Variants in LRP1B observed in about 807,000 individuals in gnomAD.
LRP1B encodes the protein low-density lipoprotein receptor-related protein 1B.
In LRP1B, 217 loss-of-function variants were observed where a neutral mutation model predicts 556.6. The observed-to-expected ratio is 0.39, with a 90% CI of 0.35 to 0.44. The LOEUF (loss-of-function observed/expected upper bound fraction) is 0.44. LRP1B is among the 20% of genes least tolerant of loss of function. The probability of loss-of-function intolerance (pLI) is 1.00; values close to 1 mark genes in which losing one functional copy is unlikely to be tolerated. For missense variants in LRP1B, 5,053 were observed against 5,620.8 expected (o/e 0.90, Z 3.23); for synonymous variants, 2,047 against 1,865.8 (o/e 1.10, Z -2.50).
At chr2:140,756,075 AAAATT>A (rs1171971682) in intron 35 of LRP1B, among the ~76,000 whole-genome samples, 1 of 152,040 alleles carries the variant, frequency 6.6e-6, no homozygotes. Context: ...CTTGAAAAAT[AAAATT>A]AAGAAAATTT....
intron 1 of LRP1B, among the ~76,000 whole-genome samples, chr2:142,040,400 A>G (rs1704022175): frequency 6.6e-6 from 1 of 151,462 alleles, no homozygotes; most frequent in Non-Finnish European, 1.5e-5. Context: ...GAGAGGAGGC[A>G]TACAATCATT....
chr2:141,229,380 T>C lies in LRP1B; in HGVS notation c.653A>G (p.Tyr218Cys), dbSNP rs1249397704. 10 of 1,608,904 alleles carry C rather than the reference T, an allele frequency of 6.2e-6. No homozygotes were observed. Among genetic ancestry groups the C allele is most frequent in the Middle Eastern group, 1.7e-4 (1 of 6,056 alleles). The change falls in exon 6 of 91, where the codon TAT (tyrosine) becomes TGT (cysteine). Residue 218 changes from tyrosine (Y) to cysteine (C), a missense_variant. Tyr to Cys is a radical substitution (Grantham distance 194, BLOSUM62 -2). Coordinates refer to ENST00000389484, the MANE Select transcript of LRP1B (RefSeq NM_018557.3). ...IANFETIEVF[Y>C]LNGSKMATLS... ...AGTTGCCATTTTACTTCCATTAAGA[T>C]AGAAAACCTCAATTGTTTCAAAATT...
chr2:140,805,119 G>A (rs1343376431), intron 32 of LRP1B, among the ~76,000 whole-genome samples: 6 of 152,086 alleles, frequency 3.9e-5, no homozygotes, highest in Non-Finnish European at 8.8e-5. Flanking sequence ...CTGATTATTA[G>A]ACTGTGACAT....
At chr2:142,054,511 T>G (rs538596060) in intron 1 of LRP1B, among the ~76,000 whole-genome samples, 1 of 152,134 alleles carries the variant, frequency 6.6e-6, no homozygotes, top group Non-Finnish European at 1.5e-5. Context: ...CTGCATTTCG[T>G]ACTCCACAAG....
At chr2:140,781,093 A>G (rs1156284234) in intron 32 of LRP1B, among the ~76,000 whole-genome samples, 10 of 152,162 alleles carry the variant, frequency 6.6e-5, no homozygotes, top group Admixed American at 6.5e-4. Context: ...AGCGTGATCA[A>G]TTGGATTCTG....
At chr2:140,729,027 T>C (rs1350270298) in intron 35 of LRP1B, among the ~76,000 whole-genome samples, 1 of 152,050 alleles carries the variant, frequency 6.6e-6, no homozygotes, top group African/African-American at 2.4e-5. Context: ...AGTCATTTCA[T>C]ACACCTTTGA....
At position 141,049,140 on chromosome 2, in the gene LRP1B, A is replaced by G. The variant is rs1698964581; in HGVS notation, c.1635T>C (p.Ala545=). 1 of 1,613,630 alleles carries G rather than the reference A, an allele frequency of 6.2e-7. No individual in the cohort carries two copies. The highest frequency in any genetic ancestry group is 8.5e-7 in the Non-Finnish European group (1 of 1,179,716). The change falls in exon 11 of 91, where the codon GCT becomes GCC. Residue 545 remains alanine (A), a synonymous_variant. Coordinates refer to ENST00000389484, the MANE Select transcript of LRP1B (RefSeq NM_018557.3). The part of the protein sequence containing the change: ...VRGMDLNTKI[A]DEYMIPIENL... ...TTTCTATGGGGATCATGTATTCATC[A>G]GCTATCTTGGTATTCAAGTCCATTC...
chr2:141,999,926 G>A (rs1176944900), intron 1 of LRP1B, among the ~76,000 whole-genome samples: 1 of 151,140 alleles, frequency 6.6e-6, no homozygotes, highest in Non-Finnish European at 1.5e-5. Context: ...TTATGCCAGT[G>A]TGAAATTCTA....
At chr2:142,103,066 T>A (rs1257687330) in intron 1 of LRP1B, among the ~76,000 whole-genome samples, 1 of 151,934 alleles carries the variant, frequency 6.6e-6, no homozygotes, top group Non-Finnish European at 1.5e-5. Flanking sequence ...TCCTGCTAAG[T>A]CTCACTACTT....
intron 7 of LRP1B, among the ~76,000 whole-genome samples, chr2:141,137,354 C>T (rs1326035302): frequency 6.6e-6 from 1 of 151,880 alleles, no homozygotes; most frequent in Non-Finnish European, 1.5e-5. Flanking sequence ...GAGACCGGCA[C>T]TTCCTGGACT....
rs1689781727 is a variant in LRP1B at position 140,514,162 on chromosome 2, A to T, written c.8269+491T>A. ...AAAGCTACATTTTAAAGTGCATTTT[A>T]ATATCATATAAAATAGCCACTTTCC... On this transcript the variant is annotated intron_variant, in intron 51 of 90. Transcript: ENST00000389484. Among the ~76,000 whole-genome samples the T allele has an allele frequency of 2.0e-5, 3 of 151,994 alleles. No homozygotes were observed. The South Asian group carries it at 6.2e-4, about 31-fold the overall frequency.
At chr2:141,360,610 T>C (rs1015037952) in intron 3 of LRP1B, among the ~76,000 whole-genome samples, 1 of 152,198 alleles carries the variant, frequency 6.6e-6, no homozygotes, top group African/African-American at 2.4e-5. Context: ...ACTGAACCAC[T>C]GTACTACCTC....
chr2:140,523,286 C>T (rs189777554), intron 49 of LRP1B, among the ~76,000 whole-genome samples: 56 of 152,032 alleles, frequency 3.7e-4, no homozygotes, highest in Admixed American at 3.5e-3. Context: ...GAATTAAGAA[C>T]AAAACCCATG....
At chr2:141,279,274 T>C (rs1685419914) in intron 3 of LRP1B, among the ~76,000 whole-genome samples, 1 of 149,266 alleles carries the variant, frequency 6.7e-6, no homozygotes, top group South Asian at 2.1e-4. Context: ...TTGAGTATTT[T>C]GGGGAAGGAA....
At chr2:141,468,190 T>C (rs1196245204) in intron 3 of LRP1B, among the ~76,000 whole-genome samples, 1 of 152,130 alleles carries the variant, frequency 6.6e-6, no homozygotes, top group East Asian at 1.9e-4. Flanking sequence ...GCACATTCTG[T>C]TTTGCATAAT....
intron 57 of LRP1B, among the ~76,000 whole-genome samples, chr2:140,489,636 A>G (rs1276657698): frequency 1.3e-5 from 2 of 152,092 alleles, no homozygotes; most frequent in Non-Finnish European, 2.9e-5. Context: ...ATTCATTCCA[A>G]TAGTAGTTTA....
rs369917016 is a variant in LRP1B at position 141,688,900 on chromosome 2, AC to A, written c.205+121378del. The stretch of plus-strand genomic sequence containing the variant: ...GTGATAGAGAAATTATTATTCTGCC[AC>A]CTTTCTTATCCCAGTTCATATGCAG... On this transcript the variant is annotated intron_variant, in intron 2 of 90. Transcript: ENST00000389484. 2.6e-4 allele frequency among the ~76,000 whole-genome samples: 39 copies of A among 151,966 alleles called. 1 individual carries two copies. In the East Asian group the frequency reaches 7.4e-3, roughly 29 times the overall value.
chr2:140,926,777 T>A (rs912645725), intron 20 of LRP1B, among the ~76,000 whole-genome samples: 4 of 152,188 alleles, frequency 2.6e-5, no homozygotes, highest in Non-Finnish European at 5.9e-5. Context: ...TTTTTATTGA[T>A]GTGCGTTTTT....
intron 3 of LRP1B, among the ~76,000 whole-genome samples, chr2:141,374,044 T>A (rs557569450): frequency 1.3e-5 from 2 of 152,246 alleles, no homozygotes; most frequent in Middle Eastern, 6.8e-3. Context: ...GTAGGTTCAG[T>A]CTAGTGGTTA....
Sources: gnomAD v4.1 joint callset for allele counts (sites outside exome capture counted in the v4.1 genomes callset) on GRCh38, gnomAD v4.1.1 for gene constraint, MANE v1.5 for transcripts, NCBI Gene and HGNC (gene_info 2026-07-23, HGNC 2026-07-21) for gene names.